Variants in RANBP9 observed in about 807,000 individuals in gnomAD.
RANBP9 encodes ran-binding protein 9.
A neutral mutation model predicts 84.3 loss-of-function variants in RANBP9; 15 were observed. That is an observed-to-expected ratio of 0.18 (90% CI 0.12 to 0.27). RANBP9 has a LOEUF of 0.27. RANBP9 is among the 10% of genes least tolerant of loss of function. The pLI, the probability that RANBP9 is intolerant of heterozygous loss-of-function variation, is 1.00. For synonymous variants in RANBP9, 392 were observed against 349.6 expected (o/e 1.12, Z -1.35); for missense variants, 809 against 912.8 (o/e 0.89, Z 1.46).
intron 2 of RANBP9, among the ~76,000 whole-genome samples, chr6:13,671,534 G>C (rs1035276688): frequency 2.6e-5 from 4 of 152,108 alleles, no homozygotes; most frequent in African/African-American, 9.7e-5. Flanking sequence ...AGATAAAGAA[G>C]TCAGAAACGA....
intron 2 of RANBP9, among the ~76,000 whole-genome samples, chr6:13,694,851 T>C (rs1197349170): frequency 6.6e-6 from 1 of 152,044 alleles, no homozygotes; most frequent in Non-Finnish European, 1.5e-5. Flanking sequence ...AAACATAGTA[T>C]ATATAGAGTT....
chr6:13,694,114 T>A (rs1380163312), intron 2 of RANBP9, among the ~76,000 whole-genome samples: 1 of 152,202 alleles, frequency 6.6e-6, no homozygotes, highest in East Asian at 1.9e-4. Flanking sequence ...TGAAACAATT[T>A]GGCAGTTTCT....
intron 9 of RANBP9, among the ~76,000 whole-genome samples, chr6:13,638,345 G>T (rs898382163): frequency 6.6e-6 from 1 of 152,120 alleles, no homozygotes; most frequent in African/African-American, 2.4e-5. Flanking sequence ...GTACAGAGTG[G>T]TGATGTAAAT....
intron 8 of RANBP9, among the ~76,000 whole-genome samples, chr6:13,640,153 C>A (rs1765031482): frequency 6.6e-6 from 1 of 152,152 alleles, no homozygotes; most frequent in Non-Finnish European, 1.5e-5. Context: ...TTTCTCCCCA[C>A]CCGTCCCATT....
At chr6:13,654,782 C>A (rs1163143525) in intron 4 of RANBP9, among the ~76,000 whole-genome samples, 1 of 152,192 alleles carries the variant, frequency 6.6e-6, no homozygotes, top group Non-Finnish European at 1.5e-5. Context: ...GCTAACTTGG[C>A]CATAGCTTGT....
At chr6:13,708,616 A>G (rs1169636094) in intron 1 of RANBP9, among the ~76,000 whole-genome samples, 2 of 152,212 alleles carry the variant, frequency 1.3e-5, no homozygotes, top group Non-Finnish European at 2.9e-5. Context: ...AAAGTGTCTC[A>G]TGATACTTAG....
chr6:13,704,438 G>C (rs142215083), intron 1 of RANBP9, among the ~76,000 whole-genome samples: 1 of 152,072 alleles, frequency 6.6e-6, no homozygotes, highest in East Asian at 1.9e-4. Flanking sequence ...GACCAGCCTG[G>C]GCAACATGGC....
chr6:13,692,880 T>G (rs1240140649), intron 2 of RANBP9, among the ~76,000 whole-genome samples: 1 of 152,130 alleles, frequency 6.6e-6, no homozygotes, highest in Non-Finnish European at 1.5e-5. Context: ...AAAATAGTTT[T>G]CTCCAAGAAC....
chr6:13,682,555 C>G (rs1356226209), intron 2 of RANBP9, among the ~76,000 whole-genome samples: 1 of 151,926 alleles, frequency 6.6e-6, no homozygotes, highest in Non-Finnish European at 1.5e-5. Context: ...TGGGTTCAAG[C>G]GATTCTCCAG....
rs139202333 is a variant in RANBP9 at position 13,709,007 on chromosome 6, G to A, written c.571+1928C>T. Among the ~76,000 whole-genome samples, 554 of 152,292 alleles carry A rather than the reference G, an allele frequency of 3.6e-3. 7 individuals carry two copies. Among genetic ancestry groups the A allele is most frequent in the African/African-American group, 0.012 (515 of 41,566 alleles). ...AATAATGATTTATGTTTATAAAACA[G>A]TTATGTTCCCAGAAAGTGAACCTTA... is the stretch of plus-strand genomic sequence containing the variant. On this transcript the variant is annotated intron_variant, in intron 1 of 13. Transcript: ENST00000011619.
intron 2 of RANBP9, among the ~76,000 whole-genome samples, chr6:13,659,054 A>G (rs1308807044): frequency 1.3e-5 from 2 of 152,162 alleles, no homozygotes; most frequent in Non-Finnish European, 2.9e-5. Context: ...TAATTCATAA[A>G]TACACACAAA....
chr6:13,683,400 T>C (rs973058074), intron 2 of RANBP9, among the ~76,000 whole-genome samples: 2 of 152,184 alleles, frequency 1.3e-5, no homozygotes, highest in Non-Finnish European at 2.9e-5. Context: ...CTATATACAA[T>C]CTTAAAGTTA....
At chr6:13,641,140 A>G (rs1765053117) in intron 8 of RANBP9, 59 bp downstream of exon 8, 17 of 1,094,014 alleles carry the variant, frequency 1.6e-5, no homozygotes, top group Non-Finnish European at 2.1e-5. Context: ...CTTTTATTAC[A>G]TAACTTGACA....
chr6:13,711,527 G>C lies in RANBP9; in HGVS notation c.-22C>G. On this transcript the variant is annotated 5_prime_UTR_variant, in exon 1 of 14. Coordinates refer to ENST00000011619, the MANE Select transcript of RANBP9 (RefSeq NM_005493.3). ...ACATCCCGGCCGCGACTCAGCCTGC[G>C]GCCACCTCCACCTCTTCTCTCCTTC... 1 of 1,245,492 alleles carries C rather than the reference G, an allele frequency of 8.0e-7. No homozygotes were observed. Among genetic ancestry groups the C allele is most frequent in the Non-Finnish European group, 1.0e-6 (1 of 991,116 alleles). The allele number at this position is 1,245,492 out of a possible 1,614,324, so 77.2% of individuals were successfully genotyped here.
At chr6:13,676,779 T>C (rs1417459020) in intron 2 of RANBP9, among the ~76,000 whole-genome samples, 11 of 151,952 alleles carry the variant, frequency 7.2e-5, no homozygotes, top group East Asian at 1.9e-4. Context: ...ATCAGACCAA[T>C]AGATGCAGAA....
At position 13,621,777 on chromosome 6, in the gene RANBP9, A is replaced by G. The variant is rs1205946304; in HGVS notation, c.*585T>C. 1 of 152,684 alleles carries G rather than the reference A, an allele frequency of 6.5e-6. No individual in the cohort carries two copies. Among genetic ancestry groups the G allele is most frequent in the Non-Finnish European group, 1.5e-5 (1 of 68,054 alleles). 9.5% of individuals were successfully genotyped at this position (152,684 alleles called of 1,614,324 possible). On this transcript the variant is annotated 3_prime_UTR_variant, in exon 14 of 14. Coordinates refer to ENST00000011619, the MANE Select transcript of RANBP9 (RefSeq NM_005493.3). Reference sequence around the variant, plus strand: ...AAAAAGACCATGTTAAAACAAAACTACTGGGACTAACAGGTCGGGATTGTA... The same window carrying G: ...AAAAAGACCATGTTAAAACAAAACTGCTGGGACTAACAGGTCGGGATTGTA...
chr6:13,679,732 CA>C (rs551173398), intron 2 of RANBP9, among the ~76,000 whole-genome samples: 336 of 152,276 alleles, frequency 2.2e-3, no homozygotes, highest in African/African-American at 7.6e-3. Context: ...AACTGATTTA[CA>C]TTTCAATTCT....
intron 2 of RANBP9, among the ~76,000 whole-genome samples, chr6:13,692,950 A>G (rs894281403): frequency 1.3e-5 from 2 of 152,264 alleles, no homozygotes; most frequent in African/African-American, 4.8e-5. Flanking sequence ...AAAGCCAGCT[A>G]TAAGTTAAGT....
chr6:13,645,051 T>C (rs1297443468), intron 5 of RANBP9, among the ~76,000 whole-genome samples: 1 of 152,200 alleles, frequency 6.6e-6, no homozygotes, highest in African/African-American at 2.4e-5. Context: ...TAAGATTATG[T>C]CATATAGTAG....
Sources: gnomAD v4.1 joint callset for allele counts (sites outside exome capture counted in the v4.1 genomes callset) on GRCh38, gnomAD v4.1.1 for gene constraint, MANE v1.5 for transcripts, NCBI Gene and HGNC (gene_info 2026-07-23, HGNC 2026-07-21) for gene names.